DLGAP1: variants seen among roughly 807,000 people sequenced by gnomAD.
DLGAP1 encodes DLG associated protein 1.
In DLGAP1, 11 loss-of-function variants were observed where a neutral mutation model predicts 90.8. The ratio of observed to expected loss-of-function variants is 0.12; its 90% CI spans 0.08 to 0.20. The LOEUF (loss-of-function observed/expected upper bound fraction) is 0.20. Among genes scored for constraint, DLGAP1 ranks in the 10% least tolerant of loss-of-function variants. The probability of loss-of-function intolerance (pLI) is 1.00; values close to 1 mark genes in which losing one functional copy is unlikely to be tolerated. For missense variants in DLGAP1, 1,050 were observed against 1,333.8 expected (o/e 0.79, Z 3.31); for synonymous variants, 558 against 540.7 (o/e 1.03, Z -0.44).
intron 2 of DLGAP1, among the ~76,000 whole-genome samples, chr18:4,049,534 G>A (rs1014952794): frequency 6.6e-6 from 1 of 152,078 alleles, no homozygotes; most frequent in South Asian, 2.1e-4. Context: ...ACTTCCCTCT[G>A]GGCTCTAATT....
chr18:4,054,045 G>C (rs1259195104), intron 2 of DLGAP1, among the ~76,000 whole-genome samples: 2 of 152,152 alleles, frequency 1.3e-5, no homozygotes, highest in Non-Finnish European at 2.9e-5. Context: ...TGAGGGGTGA[G>C]GTCAAAGGGC....
intron 3 of DLGAP1, among the ~76,000 whole-genome samples, chr18:3,906,904 A>G (rs867707760): frequency 1.4e-4 from 21 of 152,378 alleles, no homozygotes; most frequent in Middle Eastern, 3.4e-3. Context: ...TTGTTTCTTC[A>G]AGAAAACATT....
At chr18:4,139,293 T>C (rs1439547266) in intron 2 of DLGAP1, among the ~76,000 whole-genome samples, 1 of 152,020 alleles carries the variant, frequency 6.6e-6, no homozygotes, top group Non-Finnish European at 1.5e-5. Context: ...GCTTTCGCTG[T>C]ATCACATAGG....
chr18:3,724,530 G>C (rs925891341), intron 7 of DLGAP1, among the ~76,000 whole-genome samples: 9 of 152,022 alleles, frequency 5.9e-5, no homozygotes, highest in African/African-American at 1.9e-4. Context: ...GATCACTGGA[G>C]CCCAGGAGTT....
chr18:3,613,946 G>A (rs1158771515), intron 7 of DLGAP1, among the ~76,000 whole-genome samples: 1 of 151,046 alleles, frequency 6.6e-6, no homozygotes, highest in Non-Finnish European at 1.5e-5. Flanking sequence ...TTTTTGAGAT[G>A]GAGTTTCCCT....
chr18:3,567,705 T>C (rs2054515988), intron 8 of DLGAP1, 124 bp from the exon 9 acceptor site: 2 of 838,030 alleles, frequency 2.4e-6, no homozygotes, highest in African/African-American at 3.4e-5. Flanking sequence ...ATAACCTCCT[T>C]GTTCAATATT....
intron 1 of DLGAP1, among the ~76,000 whole-genome samples, chr18:4,253,564 C>A (rs764508577): frequency 6.6e-6 from 1 of 152,098 alleles, no homozygotes; most frequent in Admixed American, 6.6e-5. Flanking sequence ...ATGCACACCA[C>A]CATGACAGCT....
At chr18:4,218,804 A>G (rs1261814914) in intron 1 of DLGAP1, among the ~76,000 whole-genome samples, 1 of 142,562 alleles carries the variant, frequency 7.0e-6, no homozygotes, top group Non-Finnish European at 1.5e-5. Flanking sequence ...CTTAAGTGAT[A>G]AAGAAAATGT....
intron 1 of DLGAP1, among the ~76,000 whole-genome samples, chr18:4,422,618 G>GA (rs896817036): frequency 4.0e-5 from 6 of 151,758 alleles, no homozygotes; most frequent in Non-Finnish European, 7.4e-5. Flanking sequence ...TTCTGATAAA[G>GA]AAAAAACTAT....
chr18:3,644,071 G>T (rs1022339816), intron 7 of DLGAP1, among the ~76,000 whole-genome samples: 6 of 152,168 alleles, frequency 3.9e-5, no homozygotes, highest in African/African-American at 1.2e-4. Context: ...AATATAAGTG[G>T]AAATAATGTT....
chr18:4,065,706 T>C (rs776842568), intron 2 of DLGAP1, among the ~76,000 whole-genome samples: 3 of 152,090 alleles, frequency 2.0e-5, no homozygotes, highest in Non-Finnish European at 4.4e-5. Context: ...TCCATGCTCA[T>C]GGATAGGAAA....
chr18:4,319,085 T>C (rs1046522432), intron 1 of DLGAP1, among the ~76,000 whole-genome samples: 2 of 152,242 alleles, frequency 1.3e-5, no homozygotes, highest in African/African-American at 4.8e-5. Context: ...TGTATACATA[T>C]ATCAAAGCAT....
chr18:4,398,982 C>T lies in DLGAP1; in HGVS notation c.-267+56024G>A, dbSNP rs548790799. On this transcript the variant is annotated intron_variant, in intron 1 of 12. Coordinates refer to ENST00000315677, the MANE Select transcript of DLGAP1 (RefSeq NM_004746.4). ...AAGTAGCTGGGACTACAAGCGCGCACCACTACGCCTGGTTAATTTTTTTTA... is the reference window on the plus strand; with the variant it reads ...AAGTAGCTGGGACTACAAGCGCGCATCACTACGCCTGGTTAATTTTTTTTA... Among the ~76,000 whole-genome samples the T allele has an allele frequency of 9.2e-5, 14 of 152,258 alleles. No homozygotes were observed. The South Asian group carries it at 2.7e-3, about 29-fold the overall frequency.
chr18:4,108,338 T>A (rs1352196433), intron 2 of DLGAP1, among the ~76,000 whole-genome samples: 1 of 152,192 alleles, frequency 6.6e-6, no homozygotes, highest in Non-Finnish European at 1.5e-5. Flanking sequence ...CACTACTGTG[T>A]GACTGTCAAT....
chr18:3,670,071 G>A (rs758116210), intron 7 of DLGAP1, among the ~76,000 whole-genome samples: 1 of 152,066 alleles, frequency 6.6e-6, no homozygotes, highest in Admixed American at 6.5e-5. Context: ...TCATTATAAC[G>A]ATAGGAAAAG....
intron 5 of DLGAP1, among the ~76,000 whole-genome samples, chr18:3,752,399 T>A (rs1051606637): frequency 2.0e-5 from 3 of 152,122 alleles, no homozygotes; most frequent in Non-Finnish European, 4.4e-5. Flanking sequence ...ACCCCTTGTC[T>A]CTATGCCTTT....
rs964506931 is a variant in DLGAP1 at position 3,602,474 on chromosome 18, A to G, written c.1592-20226T>C. ...GCCGGGCGTGGTGGCGGGCGCCTGT[A>G]GTCCCAGCTACTCGGGAGGCTGAGG... is the stretch of plus-strand genomic sequence containing the variant. On this transcript the variant is annotated intron_variant, in intron 7 of 12. Transcript: ENST00000315677. Among the ~76,000 whole-genome samples the G allele has an allele frequency of 2.8e-4, 42 of 150,794 alleles. 2 individuals are homozygous for G. Among genetic ancestry groups the G allele is most frequent in the African/African-American group, 8.8e-4 (36 of 41,062 alleles).
At chr18:3,942,773 A>G (rs1037888009) in intron 3 of DLGAP1, among the ~76,000 whole-genome samples, 4 of 152,186 alleles carry the variant, frequency 2.6e-5, no homozygotes, top group African/African-American at 9.7e-5. Context: ...CTAAACAGTA[A>G]ATGTTTCTTG....
At chr18:4,385,255 T>C (rs1457215019) in intron 1 of DLGAP1, among the ~76,000 whole-genome samples, 5 of 152,158 alleles carry the variant, frequency 3.3e-5, no homozygotes, top group African/African-American at 7.2e-5. Flanking sequence ...AGGCAGCATA[T>C]AGATTTTGAA....
Sources: allele counts gnomAD v4.1 joint callset (sites outside exome capture counted in the v4.1 genomes callset), GRCh38; gene constraint gnomAD v4.1.1; transcripts MANE v1.5; gene names NCBI Gene and HGNC (gene_info 2026-07-23, HGNC 2026-07-21).